Variants in TSPOAP1 observed in about 807,000 individuals in gnomAD.
TSPOAP1 encodes TSPO associated protein 1, also known as peripheral-type benzodiazepine receptor-associated protein 1.
In TSPOAP1, 87 loss-of-function variants were observed where a neutral mutation model predicts 197.0. The observed-to-expected ratio is 0.44, with a 90% confidence interval of 0.37 to 0.53. TSPOAP1 has a LOEUF of 0.53. Ranked by LOEUF, TSPOAP1 falls within the 20% of genes least tolerant of loss-of-function variation. The probability of loss-of-function intolerance (pLI) is 0.00; values close to 1 mark genes in which losing one functional copy is unlikely to be tolerated. For synonymous variants in TSPOAP1, 913 were observed against 998.9 expected (o/e 0.91, Z 1.62); for missense variants, 2,174 against 2,411.3 (o/e 0.90, Z 2.06).
At position 58,305,467 on chromosome 17, in the gene TSPOAP1, A is replaced by G. The variant is rs762303401; in HGVS notation, c.5362-9T>C. ...CGGAAGGGCAGCTCTGCCTGTGGAAAACAAGAGGAGGGCATCAGGCCCAGG... is the reference window on the plus strand; with the variant it reads ...CGGAAGGGCAGCTCTGCCTGTGGAAGACAAGAGGAGGGCATCAGGCCCAGG... On this transcript the variant is annotated splice_polypyrimidine_tract_variant and intron_variant, in intron 28 of 31. Coordinates refer to ENST00000343736, the MANE Select transcript of TSPOAP1 (RefSeq NM_004758.4). 12 of 1,613,836 alleles carry G rather than the reference A, an allele frequency of 7.4e-6. No individual in the cohort carries two copies. Among genetic ancestry groups the G allele is most frequent in the Non-Finnish European group, 9.3e-6 (11 of 1,179,928 alleles).
At position 58,308,881 on chromosome 17, in the gene TSPOAP1, G is replaced by A. The variant is rs1045855193; in HGVS notation, c.4391C>T (p.Ala1464Val). ...VIEGPRTGLE[A>V]SGRGRLGPSR... ...AGGGCCCAGCCGGCCTCTCCCGCTA[G>A]CCTCTAGTCCAGTCCTGGGGCCCTC... The change falls in exon 22 of 32, where the codon GCT (alanine) becomes GTT (valine). Residue 1464 changes from alanine to valine, a missense_variant. Ala to Val is a moderately conservative substitution (Grantham distance 64). Around this residue, in one of 5 missense-constraint regions of TSPOAP1, gnomAD observed 1,933 missense variants for 2,139.0 expected, o/e 0.90. Coordinates refer to ENST00000343736, the MANE Select transcript of TSPOAP1 (RefSeq NM_004758.4). The A allele has an allele frequency of 1.9e-6, 3 of 1,604,106 alleles. No homozygotes were observed. The highest frequency in any genetic ancestry group is 2.6e-6 in the Non-Finnish European group (3 of 1,174,366).
chr17:58,322,706 C>G lies in TSPOAP1; in HGVS notation c.1265G>C (p.Arg422Pro). ...CTTGCTCTGCAGGCCCTGGCTCTTG[C>G]GAAGGGCTGAGTCCCTCTCCTGTGT... ...GVTQERDSALRKSQGLQSKLE... is the reference protein window; with the variant it reads ...GVTQERDSALPKSQGLQSKLE... The change falls in exon 9 of 32, where the codon CGC becomes CCC. Residue 422 changes from arginine (R) to proline (P), a missense_variant. By Grantham distance (103) the Arg-to-Pro change is moderately radical. Around this residue, in one of 5 missense-constraint regions of TSPOAP1, gnomAD observed 1,933 missense variants for 2,139.0 expected, o/e 0.90. Coordinates refer to ENST00000343736, the MANE Select transcript of TSPOAP1 (RefSeq NM_004758.4). This position sits in a 1 kb window ranked among gnomAD's most constrained non-coding sequence, Gnocchi z 5.0. 1.2e-6 allele frequency: 2 copies of G among 1,612,334 alleles called. No individual in the cohort carries two copies. Among genetic ancestry groups the G allele is most frequent in the Middle Eastern group, 1.6e-4 (1 of 6,084 alleles).
At position 58,327,855 on chromosome 17, in the gene TSPOAP1, G is replaced by T; in HGVS notation, c.66C>A (p.Pro22=). The part of the protein sequence containing the change: ...DPGAMEPWAL[P]TWHSWTPGRG... ...GACCTGGAGTCCAGCTATGCCAGGTGGGCAGTGCCCATGGCTCCATGGCTC... is the reference window on the plus strand; with the variant it reads ...GACCTGGAGTCCAGCTATGCCAGGTTGGCAGTGCCCATGGCTCCATGGCTC... The change falls in exon 1 of 32, where the codon CCC becomes CCA. Residue 22 remains proline, a synonymous_variant. Transcript: ENST00000343736. 1 of 1,613,640 alleles carries T rather than the reference G, an allele frequency of 6.2e-7. No individual in the cohort carries two copies. The highest frequency in any genetic ancestry group is 8.5e-7 in the Non-Finnish European group (1 of 1,179,850).
At position 58,304,977 on chromosome 17, in the gene TSPOAP1, C is replaced by T. The variant is rs1275696266; in HGVS notation, c.5544+84G>A. On this transcript the variant is annotated intron_variant, in intron 30 of 31. Coordinates refer to ENST00000343736, the MANE Select transcript of TSPOAP1 (RefSeq NM_004758.4). The surrounding 1 kb of genome is among the most constrained non-coding windows in gnomAD (Gnocchi z 4.2). The stretch of plus-strand genomic sequence containing the variant: ...CCTGCATGACCACCCCAGCTGCACC[C>T]CTGCCGCAACACTGCCCTGGCCCTA... The T allele has an allele frequency of 1.9e-6, 2 of 1,042,466 alleles. No individual in the cohort carries two copies. The highest frequency in any genetic ancestry group is 1.3e-5 in the South Asian group (1 of 79,254). 64.6% of individuals were successfully genotyped at this position (1,042,466 alleles called of 1,614,324 possible).
intron 22 of TSPOAP1, 56 bp from the exon 23 acceptor site, chr17:58,307,997 C>T (rs778446681): frequency 4.0e-5 from 60 of 1,493,474 alleles, no homozygotes; most frequent in South Asian, 3.6e-5. Context: ...CTGGTGGGCT[C>T]GTGCTCCCCC....
chr17:58,302,235 G>A lies in TSPOAP1; in HGVS notation c.*245C>T, dbSNP rs2144012983. The A allele has an allele frequency of 7.8e-7, 1 of 1,288,332 alleles. No homozygotes were observed. Among genetic ancestry groups the A allele is most frequent in the Admixed American group, 2.3e-5 (1 of 43,400 alleles). The allele number at this position is 1,288,332 out of a possible 1,614,324, so 79.8% of individuals were successfully genotyped here. ...GAGACAGTGATCTGGGGGCCTCTCA[G>A]GGCCTCTTCTGCCTGCAGGATGGGC... On this transcript the variant is annotated 3_prime_UTR_variant, in exon 32 of 32. Coordinates refer to ENST00000343736, the MANE Select transcript of TSPOAP1 (RefSeq NM_004758.4).
At position 58,304,760 on chromosome 17, in the gene TSPOAP1, C is replaced by T. The variant is rs1970825092; in HGVS notation, c.5544+301G>A. The T allele has an allele frequency of 1.7e-6, 1 of 583,986 alleles. No homozygotes were observed. The highest frequency in any genetic ancestry group is 1.9e-5 in the South Asian group (1 of 52,780). The allele number at this position is 583,986 out of a possible 1,614,324, so 36.2% of individuals were successfully genotyped here. ...ACTTTGATTGGCCACAGGTGTGAGG[C>T]AGAGGGGTCCTTTTCCACAGGGCCC... On this transcript the variant is annotated intron_variant, in intron 30 of 31. Coordinates refer to ENST00000343736, the MANE Select transcript of TSPOAP1 (RefSeq NM_004758.4). The surrounding 1 kb of genome is among the most constrained non-coding windows in gnomAD (Gnocchi z 4.2).
Position 58,323,285 on chromosome 17 carries a change from C to T in TSPOAP1, c.1104+13G>A, listed in dbSNP as rs758231617. The T allele has an allele frequency of 1.2e-6, 2 of 1,613,798 alleles. No individual in the cohort carries two copies. The highest frequency in any genetic ancestry group is 8.5e-7 in the Non-Finnish European group (1 of 1,179,992). On this transcript the variant is annotated intron_variant, in intron 7 of 31. Transcript: ENST00000343736. ...GGGAGGAGCTGGCCTCTGGGTTGCC[C>T]TCAAGAGCTCACCAGCTCCTCACAT...
At chr17:58,313,196 G>A (rs1356767491) in intron 16 of TSPOAP1, among the ~76,000 whole-genome samples, 2 of 152,170 alleles carry the variant, frequency 1.3e-5, no homozygotes, top group Non-Finnish European at 2.9e-5. Flanking sequence ...AACAATTGTT[G>A]AATCTAGGTG....
Position 58,322,488 on chromosome 17 carries a change from T to A in TSPOAP1, c.1318-76A>T. The stretch of plus-strand genomic sequence containing the variant: ...AGAGAAGATCTAAGATGAGGAAGCC[T>A]CAAACACCATTTGCTCCAGATTCCT... On this transcript the variant is annotated intron_variant, in intron 9 of 31. Transcript: ENST00000343736. This position sits in a 1 kb window ranked among gnomAD's most constrained non-coding sequence, Gnocchi z 5.0. 1 of 1,565,056 alleles carries A rather than the reference T, an allele frequency of 6.4e-7. No homozygotes were observed. Among genetic ancestry groups the A allele is most frequent in the Non-Finnish European group, 8.6e-7 (1 of 1,156,206 alleles).
At position 58,305,824 on chromosome 17, in the gene TSPOAP1, T is replaced by C. The variant is rs779256006; in HGVS notation, c.5257+9A>G. The stretch of plus-strand genomic sequence containing the variant: ...CCCCAGCCTCCCGGGCCCAGGGATA[T>C]TCCTTCACCTGGACAGGGCTGGGCA... On this transcript the variant is annotated intron_variant, in intron 27 of 31. Transcript: ENST00000343736. The C allele has an allele frequency of 3.7e-6, 6 of 1,612,884 alleles. No homozygotes were observed. The Admixed American group carries it at 8.3e-5, about 22-fold the overall frequency.
chr17:58,317,731 C>G (rs1479432042), intron 14 of TSPOAP1, among the ~76,000 whole-genome samples: 1 of 152,196 alleles, frequency 6.6e-6, no homozygotes, highest in Admixed American at 6.5e-5. Flanking sequence ...GTAATAATAA[C>G]AGCTGCCCCG....
At position 58,325,632 on chromosome 17, in the gene TSPOAP1, T is replaced by A; in HGVS notation, c.652A>T (p.Ser218Cys). Reference protein sequence around the residue: ...ALARQRARDLSETASALLAKD... With the variant: ...ALARQRARDLCETASALLAKD... ...GCCAGCAGTGCACTGGCTGTCTCACTGAGGTCCCGGGCTCGCTGGCGGGCT... is the reference window on the plus strand; with the variant it reads ...GCCAGCAGTGCACTGGCTGTCTCACAGAGGTCCCGGGCTCGCTGGCGGGCT... Residue 218 changes from serine (S) to cysteine (C), a missense_variant, in exon 4 of 32, where the codon AGT becomes TGT. Transcript: ENST00000343736. 6.2e-7 allele frequency: 1 copy of A among 1,613,602 alleles called. No homozygotes were observed. Among genetic ancestry groups the A allele is most frequent in the South Asian group, 1.1e-5 (1 of 91,080 alleles).
In TSPOAP1 at chr17:58,304,695, A is replaced by C. The variant is rs1970822211; in HGVS notation, c.5545-296T>G. ...TGGCTTCCAAAGGCACCTGGGAGGT[A>C]TGGAGACCACCCCCAGGGTGGGAGT... On this transcript the variant is annotated intron_variant, in intron 30 of 31. Coordinates refer to ENST00000343736, the MANE Select transcript of TSPOAP1 (RefSeq NM_004758.4). This position sits in a 1 kb window ranked among gnomAD's most constrained non-coding sequence, Gnocchi z 4.2. The C allele has an allele frequency of 1.8e-6, 1 of 567,490 alleles. No individual in the cohort carries two copies. The highest frequency in any genetic ancestry group is 3.2e-6 in the Non-Finnish European group (1 of 315,326). 35.2% of individuals were successfully genotyped at this position (567,490 alleles called of 1,614,324 possible). A position where few individuals can be genotyped will look rare whatever the true frequency, so the allele number is the denominator to read the frequency against.
chr17:58,327,787 G>C lies in TSPOAP1; in HGVS notation c.134C>G (p.Thr45Ser). 1.2e-6 allele frequency: 2 copies of C among 1,614,202 alleles called. No homozygotes were observed. The highest frequency in any genetic ancestry group is 1.7e-6 in the Non-Finnish European group (2 of 1,180,046). Residue 45 changes from threonine (T) to serine (S), a missense_variant, in exon 1 of 32, where the codon ACT (threonine) becomes AGT (serine). By Grantham distance (58) the Thr-to-Ser change is moderately conservative. Coordinates refer to ENST00000343736, the MANE Select transcript of TSPOAP1 (RefSeq NM_004758.4). ...PSSAAPSIAD[T>S]PPAALQLQEL... ...TTGAAGCTGCAGAGCTGCCGGAGGAGTATCAGCGATGCTTGGGGCTGCACT... is the reference window on the plus strand; with the variant it reads ...TTGAAGCTGCAGAGCTGCCGGAGGACTATCAGCGATGCTTGGGGCTGCACT...
chr17:58,310,151 T>C lies in TSPOAP1; in HGVS notation c.3707A>G (p.Asp1236Gly). 6.2e-7 allele frequency: 1 copy of C among 1,612,190 alleles called. No individual in the cohort carries two copies. Among genetic ancestry groups the C allele is most frequent in the Non-Finnish European group, 8.5e-7 (1 of 1,179,566 alleles). The change falls in exon 21 of 32, where the codon GAC becomes GGC. Residue 1236 changes from aspartate (D) to glycine (G), a missense_variant. Transcript: ENST00000343736. Reference sequence around the variant, plus strand: ...CAGATGAACCCCAAGCTCTGCTGTGTCCTCCTTCTGCAAGAAGTGAGGCAA... The same window carrying C: ...CAGATGAACCCCAAGCTCTGCTGTGCCCTCCTTCTGCAAGAAGTGAGGCAA... ...SGLRPRAEKE[D>G]TAELGVHLVN... is the part of the protein sequence containing the mutation.
Position 58,328,046 on chromosome 17 carries a change from C to A in TSPOAP1, c.-126G>T. The A allele has an allele frequency of 2.2e-6, 2 of 900,198 alleles. No homozygotes were observed. Among genetic ancestry groups the A allele is most frequent in the Non-Finnish European group, 3.3e-6 (2 of 611,230 alleles). 55.8% of individuals were successfully genotyped at this position (900,198 alleles called of 1,614,324 possible). A position where few individuals can be genotyped will look rare whatever the true frequency, so the allele number is the denominator to read the frequency against. On this transcript the variant is annotated 5_prime_UTR_variant, in exon 1 of 32. Transcript: ENST00000343736. This position sits in a 1 kb window ranked among gnomAD's most constrained non-coding sequence, Gnocchi z 4.3. ...GCTCTTGCTTCACCGACGCTCCATC[C>A]AAGGTTGGCTGAGCTCTTCCCCACC...
Position 58,324,265 on chromosome 17 carries a change from G to C in TSPOAP1, c.942+546C>G, listed in dbSNP as rs1971496686. On this transcript the variant is annotated intron_variant, in intron 5 of 31. Coordinates refer to ENST00000343736, the MANE Select transcript of TSPOAP1 (RefSeq NM_004758.4). This position sits in a 1 kb window ranked among gnomAD's most constrained non-coding sequence, Gnocchi z 5.8. Reference sequence around the variant, plus strand: ...TGCTGCCTACCTAGGATGATGGCGAGAAGCCAGACCCTTAAGTTCTGGGGG... The same window carrying C: ...TGCTGCCTACCTAGGATGATGGCGACAAGCCAGACCCTTAAGTTCTGGGGG... Among the ~76,000 whole-genome samples the C allele has an allele frequency of 6.6e-6, 1 of 152,214 alleles. No individual in the cohort carries two copies. The highest frequency in any genetic ancestry group is 2.1e-4 in the South Asian group (1 of 4,820).
intron 3 of TSPOAP1, 27 bp from the exon 4 acceptor site, chr17:58,325,740 G>A (rs768074637): frequency 6.3e-7 from 1 of 1,575,834 alleles, no homozygotes; most frequent in South Asian, 1.2e-5. Context: ...TAAGGCCAAT[G>A]GTCACCTGAG....
Sources: gnomAD v4.1 joint callset for allele counts (sites outside exome capture counted in the v4.1 genomes callset) on GRCh38, gnomAD v4.1.1 for gene constraint, gnomAD v4.1.1 regional missense constraint, Gnocchi (gnomAD v3.1) non-coding constraint, MANE v1.5 for transcripts, NCBI Gene and HGNC (gene_info 2026-07-23, HGNC 2026-07-21) for gene names.